RBMS3: variants seen among roughly 807,000 people sequenced by gnomAD.
RBMS3 encodes RNA binding motif single stranded interacting protein 3.
Under a neutral mutation model 66.8 loss-of-function variants are expected in RBMS3, and 27 were observed. That is an observed-to-expected ratio of 0.40 (90% CI 0.30 to 0.56). RBMS3 has a LOEUF of 0.56. RBMS3 is among the 20% of genes least tolerant of loss of function. RBMS3 has a pLI of 0.40. For synonymous variants in RBMS3, 188 were observed against 183.0 expected, an observed-to-expected ratio of 1.03 and a Z score of -0.22; for missense variants, 513 against 549.5, an observed-to-expected ratio of 0.93 and a Z score of 0.66.
At chr3:29,853,343 C>A (rs1185472038) in intron 6 of RBMS3, among the ~76,000 whole-genome samples, 1 of 150,064 alleles carries the variant, frequency 6.7e-6, no homozygotes, top group South Asian at 2.1e-4. Context: ...AAATTGGTAA[C>A]TATGTAATTT....
chr3:29,752,829 A>G (rs1024748986), intron 5 of RBMS3, among the ~76,000 whole-genome samples: 2 of 152,188 alleles, frequency 1.3e-5, no homozygotes, highest in African/African-American at 4.8e-5. Flanking sequence ...ACTTAGATCT[A>G]AACACCTTTA....
chr3:29,850,937 A>G (rs1366892662), intron 6 of RBMS3, among the ~76,000 whole-genome samples: 1 of 152,132 alleles, frequency 6.6e-6, no homozygotes, highest in Non-Finnish European at 1.5e-5. Context: ...CATTTTTCCA[A>G]AGAGCTGAGT....
At chr3:29,440,283 A>G (rs529043396) in intron 2 of RBMS3, among the ~76,000 whole-genome samples, 1 of 152,316 alleles carries the variant, frequency 6.6e-6, no homozygotes, top group East Asian at 1.9e-4. Flanking sequence ...TTGATTTAAT[A>G]CAATGTTCTC....
At chr3:29,412,825 A>G (rs938981725) in intron 1 of RBMS3, among the ~76,000 whole-genome samples, 16 of 152,226 alleles carry the variant, frequency 1.1e-4, no homozygotes, top group African/African-American at 3.6e-4. Flanking sequence ...AAATCTGTCT[A>G]TGATAAAGGT....
At chr3:29,302,074 G>T (rs1051915423) in intron 1 of RBMS3, among the ~76,000 whole-genome samples, 3 of 151,856 alleles carry the variant, frequency 2.0e-5, no homozygotes, top group Non-Finnish European at 4.4e-5. Context: ...CAGTGGTATG[G>T]TCATGGCTCA....
Position 29,680,013 on chromosome 3 carries a change from T to C in RBMS3, c.400-59707T>C, listed in dbSNP as rs549954234. Among the ~76,000 whole-genome samples the C allele has an allele frequency of 1.2e-4, 19 of 152,276 alleles. No individual in the cohort carries two copies. In the South Asian group the frequency reaches 3.7e-3, roughly 30 times the overall value. On this transcript the variant is annotated intron_variant, in intron 4 of 14. Coordinates refer to ENST00000383767, the MANE Select transcript of RBMS3 (RefSeq NM_001003793.3). ...GGCCACCGCTGATAAAATACCTTTG[T>C]GTTGCCTCTTCCATTCTGCCAGTGA...
At chr3:29,654,252 G>A (rs947303194) in intron 4 of RBMS3, among the ~76,000 whole-genome samples, 1 of 152,150 alleles carries the variant, frequency 6.6e-6, no homozygotes, top group Non-Finnish European at 1.5e-5. Context: ...CTGGAATATA[G>A]TAGGGAGAGA....
intron 4 of RBMS3, among the ~76,000 whole-genome samples, chr3:29,639,126 G>A (rs532921457): frequency 2.6e-5 from 4 of 151,774 alleles, no homozygotes; most frequent in Non-Finnish European, 5.9e-5. Context: ...AGAGGCCTGG[G>A]TGAGGCTTTA....
chr3:29,891,250 C>G (rs950467626), intron 8 of RBMS3, among the ~76,000 whole-genome samples: 8 of 151,642 alleles, frequency 5.3e-5, no homozygotes, highest in Admixed American at 1.3e-4. Flanking sequence ...CAGTTCATAA[C>G]TACACCATGG....
At chr3:29,891,182 A>G (rs926225963) in intron 8 of RBMS3, among the ~76,000 whole-genome samples, 1 of 151,626 alleles carries the variant, frequency 6.6e-6, no homozygotes, top group Non-Finnish European at 1.5e-5. Flanking sequence ...ATACAGAAAC[A>G]TGACACTGAA....
chr3:29,546,761 T>A (rs2045966831), intron 3 of RBMS3, among the ~76,000 whole-genome samples: 1 of 152,148 alleles, frequency 6.6e-6, no homozygotes. Context: ...ATGTTTGGTT[T>A]TTGAGTAGAC....
At chr3:29,415,776 T>A (rs924450387) in intron 1 of RBMS3, among the ~76,000 whole-genome samples, 1 of 85,894 alleles carries the variant, frequency 1.2e-5, no homozygotes, top group South Asian at 3.9e-4. Context: ...GACAATGAAA[T>A]TTTTTTTTTA....
At chr3:29,511,287 C>T (rs1427769019) in intron 3 of RBMS3, among the ~76,000 whole-genome samples, 1 of 152,070 alleles carries the variant, frequency 6.6e-6, no homozygotes, top group Non-Finnish European at 1.5e-5. Flanking sequence ...CGGAGAGAGA[C>T]TTCATCTCAA....
intron 7 of RBMS3, among the ~76,000 whole-genome samples, chr3:29,872,527 C>A (rs1349500761): frequency 5.3e-5 from 8 of 152,146 alleles, no homozygotes; most frequent in African/African-American, 1.9e-4. Flanking sequence ...GGTCTTCAGG[C>A]CACACTTTGA....
At chr3:29,891,826 A>T (rs998851296) in intron 8 of RBMS3, among the ~76,000 whole-genome samples, 1 of 151,572 alleles carries the variant, frequency 6.6e-6, no homozygotes, top group Non-Finnish European at 1.5e-5. Flanking sequence ...ATACGTTGGT[A>T]TTACAATAAA....
At chr3:29,417,934 A>G (rs1425696840) in intron 1 of RBMS3, among the ~76,000 whole-genome samples, 1 of 152,184 alleles carries the variant, frequency 6.6e-6, no homozygotes, top group Non-Finnish European at 1.5e-5. Flanking sequence ...CCATCTCATA[A>G]TGGAACACAT....
intron 1 of RBMS3, among the ~76,000 whole-genome samples, chr3:29,300,063 A>G (rs2033566767): frequency 6.6e-6 from 1 of 151,972 alleles, no homozygotes; most frequent in Non-Finnish European, 1.5e-5. Flanking sequence ...CAAGCACTCA[A>G]AAATATATGT....
At chr3:29,658,394 T>G (rs1207314299) in intron 4 of RBMS3, among the ~76,000 whole-genome samples, 2 of 152,178 alleles carry the variant, frequency 1.3e-5, no homozygotes, top group Non-Finnish European at 2.9e-5. Context: ...GAGCCTGAGA[T>G]TCTGCATTTC....
intron 3 of RBMS3, among the ~76,000 whole-genome samples, chr3:29,502,212 AC>A (rs2044002229): frequency 6.6e-6 from 1 of 152,032 alleles, no homozygotes; most frequent in African/African-American, 2.4e-5. Context: ...AATAGCCTAT[AC>A]CATTGTTGAA....
Sources: allele counts gnomAD v4.1 joint callset (sites outside exome capture counted in the v4.1 genomes callset), GRCh38; gene constraint gnomAD v4.1.1; transcripts MANE v1.5; gene names NCBI Gene and HGNC (gene_info 2026-07-23, HGNC 2026-07-21).